DPM1: variants seen among roughly 807,000 people sequenced by gnomAD.
The protein encoded by DPM1 is dolichol-phosphate mannosyltransferase subunit 1.
A neutral mutation model predicts 39.0 loss-of-function variants in DPM1; 27 were observed. That is an observed-to-expected ratio of 0.69 (90% CI 0.51 to 0.95). DPM1 has a LOEUF of 0.95. Among genes scored for constraint, DPM1 ranks in the 40% least tolerant of loss-of-function variants. The pLI is 0.00. For missense variants in DPM1, 307 were observed against 315.6 expected (o/e 0.97, Z 0.21); for synonymous variants, 124 against 109.0 (o/e 1.14, Z -0.86).
chr20:50,936,248 TC>T lies in DPM1; in HGVS notation c.577del (p.Glu193LysfsTer3). 6.2e-7 allele frequency: 1 copy of T among 1,601,970 alleles called. No homozygotes were observed. Among genetic ancestry groups the T allele is most frequent in the Non-Finnish European group, 8.6e-7 (1 of 1,169,552 alleles). On this transcript the variant is annotated frameshift_variant, in exon 8 of 9. Transcript: ENST00000371588. LOFTEE classifies it high-confidence loss of function. ...TTTTTCTATTAATTTCTCTAGAACT[TC>T]TTTTCGGTATAATCTGTAAGAAATT... ...LTGSFRLYRK[E>X]VLEKLIEKCV...
intron 3 of DPM1, among the ~76,000 whole-genome samples, chr20:50,946,691 G>A (rs150880612): frequency 2.3e-4 from 35 of 152,350 alleles, no homozygotes; most frequent in African/African-American, 8.2e-4. Context: ...GTTAGGAGCA[G>A]GACTTGGGGA....
intron 2 of DPM1, 63 bp from the exon 3 acceptor site, chr20:50,948,725 T>C (rs1986421095): frequency 2.7e-6 from 4 of 1,487,284 alleles, no homozygotes; most frequent in South Asian, 1.1e-5. Context: ...TTAAATTTTA[T>C]CTTATTCAAA....
intron 2 of DPM1, among the ~76,000 whole-genome samples, chr20:50,950,825 C>T (rs1416404384): frequency 2.0e-5 from 3 of 152,254 alleles, no homozygotes; most frequent in Admixed American, 2.0e-4. Context: ...GCTGAGATCA[C>T]ACCACAGCAC....
At chr20:50,957,169 T>C (rs1026438987) in intron 1 of DPM1, among the ~76,000 whole-genome samples, 1 of 152,140 alleles carries the variant, frequency 6.6e-6, no homozygotes, top group Non-Finnish European at 1.5e-5. Flanking sequence ...GCAAGGCATA[T>C]GAAGGCAGTT....
intron 2 of DPM1, among the ~76,000 whole-genome samples, chr20:50,949,150 C>T (rs770447724): frequency 6.6e-6 from 1 of 152,196 alleles, no homozygotes; most frequent in African/African-American, 2.4e-5. Flanking sequence ...TGAGTCACCG[C>T]GCCCGTCCAG....
Position 50,958,425 on chromosome 20 carries a change from G to C in DPM1, c.99C>G (p.Thr33=). The C allele has an allele frequency of 6.2e-7, 1 of 1,614,120 alleles. No individual in the cohort carries two copies. The highest frequency in any genetic ancestry group is 8.5e-7 in the Non-Finnish European group (1 of 1,180,028). Residue 33 remains threonine (T), a synonymous_variant, in exon 1 of 9, where the codon ACC becomes ACG. Coordinates refer to ENST00000371588, the MANE Select transcript of DPM1 (RefSeq NM_003859.3). ...RQNKYSVLLP[T]YNERENLPLI... The stretch of plus-strand genomic sequence containing the variant: ...GCGGCAGGTTCTCGCGCTCGTTGTA[G>C]GTAGGTAAAAGCACCGAATATTTGT...
rs749032832 is a variant in DPM1, at chr20:50,941,195, G to A, written c.495-262C>T. 10 of 294,552 alleles carry A rather than the reference G, an allele frequency of 3.4e-5. No individual in the cohort carries two copies. In the South Asian group the frequency reaches 9.9e-4, roughly 29 times the overall value. The allele number at this position is 294,552 out of a possible 1,614,324, so 18.2% of individuals were successfully genotyped here. A position where few individuals can be genotyped will look rare whatever the true frequency, so the allele number is the denominator to read the frequency against. ...CAGGAGTGACCAGCCTGGGCAACAT[G>A]GCAAAACTCCATCACTACAAAAAAA... is the stretch of plus-strand genomic sequence containing the variant. On this transcript the variant is annotated intron_variant, in intron 6 of 8. Coordinates refer to ENST00000371588, the MANE Select transcript of DPM1 (RefSeq NM_003859.3).
intron 1 of DPM1, among the ~76,000 whole-genome samples, chr20:50,955,573 G>T (rs1230484431): frequency 2.0e-5 from 3 of 152,120 alleles, no homozygotes; most frequent in Non-Finnish European, 4.4e-5. Context: ...TGTATCATAT[G>T]AATTTTTTTT....
intron 1 of DPM1, 60 bp downstream of exon 1, chr20:50,958,303 C>T: frequency 6.3e-7 from 1 of 1,598,058 alleles, no homozygotes; most frequent in East Asian, 2.2e-5. Context: ...CAGCTGCCGA[C>T]ACCCGGGCCG....
At chr20:50,940,797 T>C (rs1419357569) in intron 7 of DPM1, 68 bp downstream of exon 7, 11 of 1,268,236 alleles carry the variant, frequency 8.7e-6, no homozygotes, top group Non-Finnish European at 1.3e-5. Context: ...AAGTGTCTCT[T>C]TAAAATATCC....
chr20:50,947,764 G>C (rs1338078226), intron 3 of DPM1, among the ~76,000 whole-genome samples: 1 of 152,098 alleles, frequency 6.6e-6, no homozygotes, highest in African/African-American at 2.4e-5. Flanking sequence ...GAGTAGCTGG[G>C]ATTATAGATG....
intron 2 of DPM1, among the ~76,000 whole-genome samples, chr20:50,954,952 A>C (rs575749141): frequency 6.6e-6 from 1 of 152,364 alleles, no homozygotes; most frequent in South Asian, 2.1e-4. Context: ...AATTAGTTAT[A>C]AACAGAGTTC....
intron 2 of DPM1, among the ~76,000 whole-genome samples, chr20:50,953,219 A>G (rs762166648): frequency 2.5e-4 from 38 of 152,242 alleles, no homozygotes; most frequent in Non-Finnish European, 3.7e-4. Context: ...CACTGTGAAT[A>G]GTTCAGAGTA....
chr20:50,939,143 G>A (rs1447906777), intron 7 of DPM1, among the ~76,000 whole-genome samples: 2 of 152,018 alleles, frequency 1.3e-5, no homozygotes, highest in African/African-American at 4.8e-5. Context: ...ATCCTTGTAT[G>A]GTTCTGATGC....
chr20:50,954,830 C>A (rs6122986), intron 2 of DPM1, among the ~76,000 whole-genome samples: 2 of 152,254 alleles, frequency 1.3e-5, no homozygotes, highest in East Asian at 3.9e-4. Context: ...CGAAAGGGAG[C>A]AAGAAAGATT....
chr20:50,936,102 C>T (rs1361665296), intron 8 of DPM1, 46 bp downstream of exon 8: 1 of 1,372,328 alleles, frequency 7.3e-7, no homozygotes, highest in South Asian at 1.2e-5. Flanking sequence ...AACCTTACTG[C>T]TCCTTTACCA....
chr20:50,955,723 C>A (rs535647609), intron 1 of DPM1, among the ~76,000 whole-genome samples: 1 of 152,224 alleles, frequency 6.6e-6, no homozygotes, highest in African/African-American at 2.4e-5. Context: ...ACCACCACGC[C>A]CGGCTAATTT....
In DPM1 at chr20:50,952,475, G is replaced by C. The variant is rs59511682; in HGVS notation, c.261+2711C>G. On this transcript the variant is annotated intron_variant, in intron 2 of 8. Coordinates refer to ENST00000371588, the MANE Select transcript of DPM1 (RefSeq NM_003859.3). The stretch of plus-strand genomic sequence containing the variant: ...ATTTATACTAGGATCAACAGTATTT[G>C]AGTGGACTTGTTCTATAATACTCTC... 7.7e-3 allele frequency among the ~76,000 whole-genome samples: 1,171 copies of C among 152,280 alleles called. 15 individuals are homozygous for C. Among genetic ancestry groups the C allele is most frequent in the African/African-American group, 0.026 (1,089 of 41,556 alleles).
intron 5 of DPM1, among the ~76,000 whole-genome samples, chr20:50,943,032 C>A (rs1200463223): frequency 6.6e-6 from 1 of 152,070 alleles, no homozygotes; most frequent in Non-Finnish European, 1.5e-5. Context: ...AAAAATTAGC[C>A]AGGTGTAGTG....
Sources: gnomAD v4.1 joint callset for allele counts (sites outside exome capture counted in the v4.1 genomes callset) on GRCh38, gnomAD v4.1.1 for gene constraint, MANE v1.5 for transcripts, NCBI Gene and HGNC (gene_info 2026-07-23, HGNC 2026-07-21) for gene names.